TUSC3: variants seen among roughly 807,000 people sequenced by gnomAD.
TUSC3 encodes the protein tumor suppressor candidate 3.
In TUSC3, 45 loss-of-function variants were observed where a neutral mutation model predicts 44.8. That is an observed-to-expected ratio of 1.00 (90% confidence interval 0.79 to 1.29). The LOEUF is 1.29. Among genes scored for constraint, TUSC3 ranks in the 50% most tolerant of loss-of-function variants. The pLI, the probability that TUSC3 is intolerant of heterozygous loss-of-function variation, is 0.00. For synonymous variants in TUSC3, 212 were observed against 152.9 expected (o/e 1.39, Z -2.85); for missense variants, 519 against 437.9 (o/e 1.19, Z -1.65).
At chr8:15,502,434 A>T (rs1020817931) in intron 2 of TUSC3, among the ~76,000 whole-genome samples, 1 of 152,158 alleles carries the variant, frequency 6.6e-6, no homozygotes, top group African/African-American at 2.4e-5. Flanking sequence ...ACTTCTTTTT[A>T]TTAGAGCTCC....
chr8:15,815,856 T>G, the TUSC3 span, among the ~76,000 whole-genome samples: 4 of 152,148 alleles, frequency 2.6e-5, no homozygotes, highest in Admixed American at 6.5e-5. Flanking sequence ...AAAGTTGGCA[T>G]TGTTTCCAGG....
intron 7 of TUSC3, among the ~76,000 whole-genome samples, chr8:15,738,530 G>A (rs552076806): frequency 1.3e-5 from 2 of 152,218 alleles, no homozygotes; most frequent in Admixed American, 1.3e-4. Context: ...ACTACAACAA[G>A]TTGAGTAATA....
intron 6 of TUSC3, among the ~76,000 whole-genome samples, chr8:15,688,355 T>C (rs1286271922): frequency 5.3e-5 from 8 of 152,116 alleles, no homozygotes; most frequent in Non-Finnish European, 4.4e-5. Context: ...CTCCACATAA[T>C]GCTAGTCTCT....
At chr8:15,511,441 C>G (rs1163786099) in intron 2 of TUSC3, among the ~76,000 whole-genome samples, 1 of 152,146 alleles carries the variant, frequency 6.6e-6, no homozygotes, top group East Asian at 1.9e-4. Context: ...GGTTGAAGAA[C>G]TCAAAGTCAA....
At chr8:15,496,677 A>G (rs1261693295) in intron 2 of TUSC3, among the ~76,000 whole-genome samples, 1 of 152,166 alleles carries the variant, frequency 6.6e-6, no homozygotes, top group Non-Finnish European at 1.5e-5. Context: ...AGAAACGCAT[A>G]TGCTGTCTTG....
chr8:15,688,694 G>C (rs1188371564), intron 6 of TUSC3, among the ~76,000 whole-genome samples: 1 of 152,118 alleles, frequency 6.6e-6, no homozygotes, highest in Non-Finnish European at 1.5e-5. Flanking sequence ...GCTGCTGTTA[G>C]GAGATTTCCC....
the TUSC3 span, among the ~76,000 whole-genome samples, chr8:15,784,843 A>G: frequency 2.6e-5 from 4 of 152,174 alleles, no homozygotes; most frequent in African/African-American, 9.7e-5. Context: ...ATTGCACAGC[A>G]ACTACAGTCA....
chr8:15,470,448 T>C (rs1389882952), intron 1 of TUSC3, among the ~76,000 whole-genome samples: 1 of 152,070 alleles, frequency 6.6e-6, no homozygotes, highest in Non-Finnish European at 1.5e-5. Flanking sequence ...ATTATGGGCT[T>C]TGGTTGATAA....
chr8:15,829,449 C>A, the TUSC3 span, among the ~76,000 whole-genome samples: 1 of 152,102 alleles, frequency 6.6e-6, no homozygotes, highest in Non-Finnish European at 1.5e-5. Context: ...CTTTGCCAAT[C>A]TGATAAGGGT....
At position 15,765,490 on chromosome 8, in the gene TUSC3, C is replaced by G. The variant is rs1346686696; in HGVS notation, c.*1334C>G. 1.3e-5 allele frequency: 2 copies of G among 151,880 alleles called. No individual in the cohort carries two copies. The highest frequency in any genetic ancestry group is 2.9e-5 in the Non-Finnish European group (2 of 67,914). The allele number at this position is 151,880 out of a possible 1,614,324, so 9.4% of individuals were successfully genotyped here. A position where few individuals can be genotyped will look rare whatever the true frequency, so the allele number is the denominator to read the frequency against. On this transcript the variant is annotated 3_prime_UTR_variant, in exon 11 of 11. Coordinates refer to ENST00000503731, the MANE Select transcript of TUSC3 (RefSeq NM_006765.4). ...AACGGGTGTACAACCATTGAGTTTA[C>G]TTACTTAAATCTGTGAATTTCAATG...
downstream of TUSC3, among the ~76,000 whole-genome samples, chr8:15,770,380 G>A (rs921482289): frequency 6.6e-6 from 1 of 152,100 alleles, no homozygotes; most frequent in African/African-American, 2.4e-5. Context: ...GACACACGGA[G>A]GGGAACATCA....
intron 2 of TUSC3, among the ~76,000 whole-genome samples, chr8:15,501,542 G>C (rs1455137825): frequency 1.3e-5 from 2 of 152,142 alleles, no homozygotes; most frequent in African/African-American, 4.8e-5. Flanking sequence ...AATCATGGTA[G>C]GTTTTCTTTT....
intron 6 of TUSC3, among the ~76,000 whole-genome samples, chr8:15,719,503 ACACACACACACAC>A (rs1343181254): frequency 0.023 from 1,169 of 50,392 alleles, 10 homozygotes; most frequent in African/African-American, 0.089. Context: ...CATCACACAC[ACACACACACACAC>A]CACACACACA....
At chr8:15,582,867 T>C (rs62504230) in intron 1 of TUSC3, among the ~76,000 whole-genome samples, 34,096 of 152,088 alleles carry the variant, frequency 0.22, 3,961 homozygotes, top group East Asian at 0.45. Flanking sequence ...GTAACACTTC[T>C]CCTTTTTAGA....
the TUSC3 span, among the ~76,000 whole-genome samples, chr8:15,832,076 T>A: frequency 2.0e-5 from 3 of 152,192 alleles, no homozygotes. Context: ...CGGAAGCCCA[T>A]CAGACTAACA....
At chr8:15,840,376 T>C in the TUSC3 span, among the ~76,000 whole-genome samples, 73 of 151,902 alleles carry the variant, frequency 4.8e-4, no homozygotes, top group African/African-American at 1.6e-3. Context: ...TAAAGTATAA[T>C]TTAAAAAAAT....
intron 9 of TUSC3, among the ~76,000 whole-genome samples, chr8:15,749,232 GGTA>G (rs1811584278): frequency 6.6e-6 from 1 of 152,084 alleles, no homozygotes; most frequent in African/African-American, 2.4e-5. Flanking sequence ...ACTCTGGTTA[GGTA>G]GTAGAACCAG....
At chr8:15,808,018 G>C in the TUSC3 span, among the ~76,000 whole-genome samples, 1 of 152,052 alleles carries the variant, frequency 6.6e-6, no homozygotes, top group Non-Finnish European at 1.5e-5. Context: ...AATCTAAAAT[G>C]AAAGTTGAAA....
intron 3 of TUSC3, among the ~76,000 whole-genome samples, chr8:15,654,890 G>A (rs898278993): frequency 3.9e-5 from 6 of 152,188 alleles, no homozygotes; most frequent in Admixed American, 3.3e-4. Flanking sequence ...TCTAGAGTCA[G>A]AAAACCTGAG....
Sources: allele counts gnomAD v4.1 joint callset (sites outside exome capture counted in the v4.1 genomes callset), GRCh38; gene constraint gnomAD v4.1.1; transcripts MANE v1.5; gene names NCBI Gene and HGNC (gene_info 2026-07-23, HGNC 2026-07-21).